The following NRG2 variants were observed in gnomAD, a reference collection of about 807,000 sequenced individuals.
NRG2 encodes neuregulin 2, also known as pro-neuregulin-2, membrane-bound isoform.
NRG2 carries 27 observed loss-of-function variants against 73.9 expected under a neutral mutation model. The observed-to-expected ratio is 0.37, with a 90% CI of 0.27 to 0.50. The LOEUF is 0.50. Among genes scored for constraint, NRG2 ranks in the 20% least tolerant of loss-of-function variants. NRG2 has a pLI of 0.96. For missense variants in NRG2, 1,126 were observed against 1,210.1 expected, an observed-to-expected ratio of 0.93 and a Z score of 1.03; for synonymous variants, 532 against 541.0, an observed-to-expected ratio of 0.98 and a Z score of 0.23.
At chr5:139,907,369 G>A (rs1199675387) in intron 1 of NRG2, among the ~76,000 whole-genome samples, 3 of 152,190 alleles carry the variant, frequency 2.0e-5, no homozygotes, top group Non-Finnish European at 4.4e-5. Flanking sequence ...AAGAACACTT[G>A]ACTGTTGTTT....
At chr5:140,031,275 A>C (rs1314663582) in intron 1 of NRG2, among the ~76,000 whole-genome samples, 1 of 152,174 alleles carries the variant, frequency 6.6e-6, no homozygotes, top group South Asian at 2.1e-4. Flanking sequence ...GAAGTGGGAG[A>C]GGTGAAGCCT....
intron 1 of NRG2, among the ~76,000 whole-genome samples, chr5:139,900,541 A>C (rs1024024630): frequency 3.3e-5 from 5 of 152,210 alleles, no homozygotes; most frequent in Non-Finnish European, 7.3e-5. Context: ...CATGGTTCCA[A>C]TGGGGCCCAG....
chr5:139,916,928 C>T (rs931198413), intron 1 of NRG2, among the ~76,000 whole-genome samples: 2 of 152,150 alleles, frequency 1.3e-5, no homozygotes, highest in African/African-American at 4.8e-5. Context: ...TCTGAAATCC[C>T]ACTTGGAAGT....
intron 1 of NRG2, among the ~76,000 whole-genome samples, chr5:140,007,564 G>A (rs367592386): frequency 6.6e-5 from 10 of 152,080 alleles, no homozygotes; most frequent in African/African-American, 2.2e-4. Flanking sequence ...CCGGAGGCCT[G>A]TCTGTACATT....
At position 139,904,456 on chromosome 5, in the gene NRG2, C is replaced by T. The variant is rs896128427; in HGVS notation, c.701-16945G>A. On this transcript the variant is annotated intron_variant, in intron 1 of 9. Transcript: ENST00000361474. The surrounding 1 kb of genome is among the most constrained non-coding windows in gnomAD (Gnocchi z 6.0). ...AGCTCTCCGCTGCCGCGCTGCGCCC[C>T]CGCCGCCTGCAGCCTCAGTGCCCGA... 1.1e-5 allele frequency: 12 copies of T among 1,048,260 alleles called. No individual in the cohort carries two copies. The highest frequency in any genetic ancestry group is 1.7e-5 in the Non-Finnish European group (12 of 717,678). 64.9% of individuals were successfully genotyped at this position (1,048,260 alleles called of 1,614,324 possible). A position where few individuals can be genotyped will look rare whatever the true frequency, so the allele number is the denominator to read the frequency against.
intron 3 of NRG2, among the ~76,000 whole-genome samples, chr5:139,876,330 G>C (rs767259109): frequency 3.9e-5 from 6 of 152,238 alleles, no homozygotes; most frequent in East Asian, 1.9e-4. Flanking sequence ...GGGCTGGAGA[G>C]GGGGAGAAAT....
At chr5:139,916,061 A>G (rs17118532) in intron 1 of NRG2, among the ~76,000 whole-genome samples, 32,674 of 152,132 alleles carry the variant, frequency 0.21, 4,191 homozygotes, top group African/African-American at 0.37. Flanking sequence ...AGGCTCATCC[A>G]GCAGCGTCAT....
chr5:139,935,092 AG>A (rs1434776580), intron 1 of NRG2, among the ~76,000 whole-genome samples: 1 of 152,002 alleles, frequency 6.6e-6, no homozygotes, highest in African/African-American at 2.4e-5. Context: ...GCTTGAACCC[AG>A]GAGGCAGAAG....
At chr5:139,922,762 T>A (rs1751766727) in intron 1 of NRG2, among the ~76,000 whole-genome samples, 1 of 152,174 alleles carries the variant, frequency 6.6e-6, no homozygotes, top group Non-Finnish European at 1.5e-5. Context: ...TGGAATATTA[T>A]TCAGCATTAA....
chr5:139,996,353 A>AAAATATT (rs1758013172), intron 1 of NRG2, among the ~76,000 whole-genome samples: 1 of 152,216 alleles, frequency 6.6e-6, no homozygotes, highest in Non-Finnish European at 1.5e-5. Context: ...AATACGGGAG[A>AAAATATT]CCACAGTCTA....
chr5:139,966,604 T>C (rs1755537863), intron 1 of NRG2, among the ~76,000 whole-genome samples: 1 of 151,802 alleles, frequency 6.6e-6, no homozygotes, highest in Non-Finnish European at 1.5e-5. Flanking sequence ...AAAGAAGATT[T>C]CACAAAAAGA....
At chr5:139,849,765 A>T (rs1414674001) in intron 9 of NRG2, among the ~76,000 whole-genome samples, 3 of 151,628 alleles carry the variant, frequency 2.0e-5, no homozygotes, top group Non-Finnish European at 4.4e-5. Flanking sequence ...ACCAAGTCCT[A>T]CCCATTCCCT....
intron 1 of NRG2, among the ~76,000 whole-genome samples, chr5:139,909,254 T>A (rs184640156): frequency 1.3e-5 from 2 of 152,374 alleles, no homozygotes; most frequent in East Asian, 3.9e-4. Context: ...CTTTGAAGTT[T>A]AGGAAAGTTT....
In NRG2 at chr5:139,868,657, C is replaced by T. The variant is rs943946407; in HGVS notation, c.1113-3032G>A. 6.6e-6 allele frequency among the ~76,000 whole-genome samples: 1 copy of T among 152,072 alleles called. No individual in the cohort carries two copies. Among genetic ancestry groups the T allele is most frequent in the Non-Finnish European group, 1.5e-5 (1 of 68,012 alleles). ...CTTCCCCTTTTCCCACCCCACCTCCCGGGCCTCAGTTTCTCCTTTTGGTAG... is the reference window on the plus strand; with the variant it reads ...CTTCCCCTTTTCCCACCCCACCTCCTGGGCCTCAGTTTCTCCTTTTGGTAG... On this transcript the variant is annotated intron_variant, in intron 4 of 9. Transcript: ENST00000361474. The surrounding 1 kb of genome is among the most constrained non-coding windows in gnomAD (Gnocchi z 4.2).
chr5:139,902,703 G>A (rs1361013858), intron 1 of NRG2, among the ~76,000 whole-genome samples: 2 of 152,170 alleles, frequency 1.3e-5, no homozygotes, highest in African/African-American at 4.8e-5. Flanking sequence ...GGATGTGTAT[G>A]TAGGGGGAAT....
In NRG2 at chr5:139,913,666, C is replaced by T. The variant is rs867192981; in HGVS notation, c.701-26155G>A. The stretch of plus-strand genomic sequence containing the variant: ...CCAGACAATGCTTGCTCCACACCTG[C>T]TTAATGACAGGCACAGTGCTGGCCA... On this transcript the variant is annotated intron_variant, in intron 1 of 9. Coordinates refer to ENST00000361474, the MANE Select transcript of NRG2 (RefSeq NM_004883.3). 4.6e-5 allele frequency among the ~76,000 whole-genome samples: 7 copies of T among 152,334 alleles called. No individual in the cohort carries two copies. The South Asian group carries it at 1.4e-3, about 32-fold the overall frequency.
Position 139,853,146 on chromosome 5 carries a change from C to A in NRG2, c.1293-119G>T. 7.2e-7 allele frequency: 1 copy of A among 1,384,298 alleles called. No individual in the cohort carries two copies. The highest frequency in any genetic ancestry group is 1.0e-6 in the Non-Finnish European group (1 of 1,005,008). The allele number at this position is 1,384,298 out of a possible 1,614,324, so 85.8% of individuals were successfully genotyped here. On this transcript the variant is annotated intron_variant, in intron 6 of 9. Transcript: ENST00000361474. The surrounding 1 kb of genome is among the most constrained non-coding windows in gnomAD (Gnocchi z 4.1). Reference sequence around the variant, plus strand: ...CTGCCCAGGGTGGCCATGGCTACTGCTCGTCCCTGTACTCAAGCTGCCCTA... The same window carrying A: ...CTGCCCAGGGTGGCCATGGCTACTGATCGTCCCTGTACTCAAGCTGCCCTA...
intron 1 of NRG2, among the ~76,000 whole-genome samples, chr5:139,989,089 A>G (rs1397463027): frequency 3.9e-5 from 6 of 152,058 alleles, no homozygotes; most frequent in Non-Finnish European, 7.4e-5. Flanking sequence ...ATTGTAAACA[A>G]CTTAGATGTA....
chr5:139,874,099 A>C (rs563373400), intron 3 of NRG2, among the ~76,000 whole-genome samples: 33 of 152,276 alleles, frequency 2.2e-4, no homozygotes, highest in African/African-American at 7.0e-4. Context: ...CTGCAGCCCA[A>C]CTCTGCCAGT....
Sources: allele counts gnomAD v4.1 joint callset (sites outside exome capture counted in the v4.1 genomes callset), GRCh38; gene constraint gnomAD v4.1.1; non-coding constraint Gnocchi (gnomAD v3.1); transcripts MANE v1.5; gene names NCBI Gene and HGNC (gene_info 2026-07-23, HGNC 2026-07-21).